ANAPC16: variants seen among roughly 807,000 people sequenced by gnomAD.
ANAPC16 encodes the protein anaphase-promoting complex subunit 16.
In ANAPC16, 6 loss-of-function variants were observed where a neutral mutation model predicts 13.1. The observed-to-expected ratio is 0.46, with a 90% confidence interval of 0.25 to 0.90. The LOEUF is 0.90. Ranked by LOEUF, ANAPC16 falls within the 40% of genes least tolerant of loss-of-function variation. The pLI is 0.18. For synonymous variants in ANAPC16, 55 were observed against 51.3 expected (o/e 1.07, Z -0.31); for missense variants, 113 against 131.1 (o/e 0.86, Z 0.67).
chr10:72,217,075 G>A, intron 1 of ANAPC16: 1 of 454,090 alleles, frequency 2.2e-6, no homozygotes, highest in South Asian at 1.6e-5. Flanking sequence ...AAATGCTCGG[G>A]ACTGGAAGCA....
At chr10:72,216,370 G>T (rs1859324700) in intron 1 of ANAPC16, 2 of 172,750 alleles carry the variant, frequency 1.2e-5, no homozygotes, top group Admixed American at 1.1e-4. Flanking sequence ...GTTTCCTGGG[G>T]ACCCAGCTGG....
intron 1 of ANAPC16, chr10:72,220,712 CAAAAAAAAA>C (rs397844900): frequency 9.7e-6 from 1 of 103,452 alleles, no homozygotes; most frequent in Admixed American, 1.1e-4. Flanking sequence ...TTGCAACTAG[CAAAAAAAAA>C]AAAAAAAAAA....
At chr10:72,227,300 G>A (rs1860152063) in intron 2 of ANAPC16, among the ~76,000 whole-genome samples, 1 of 152,178 alleles carries the variant, frequency 6.6e-6, no homozygotes, top group African/African-American at 2.4e-5. Flanking sequence ...TCTGAATGTT[G>A]ATGTTCTAAC....
rs557745938 is a variant in ANAPC16, at chr10:72,234,639, A to C, written c.*1523A>C. ...ATCTGCTTAGAGTTGCTTAATTATAAGTAAATATAATCCCAGTAGCATTTA... is the reference window on the plus strand; with the variant it reads ...ATCTGCTTAGAGTTGCTTAATTATACGTAAATATAATCCCAGTAGCATTTA... On this transcript the variant is annotated 3_prime_UTR_variant, in exon 4 of 4. Coordinates refer to ENST00000299381, the MANE Select transcript of ANAPC16 (RefSeq NM_173473.4). The C allele has an allele frequency of 6.6e-6, 1 of 152,322 alleles. No individual in the cohort carries two copies. Among genetic ancestry groups the C allele is most frequent in the East Asian group, 1.9e-4 (1 of 5,188 alleles). The allele number at this position is 152,322 out of a possible 1,614,324, so 9.4% of individuals were successfully genotyped here. A position where few individuals can be genotyped will look rare whatever the true frequency, so the allele number is the denominator to read the frequency against.
At chr10:72,226,494 C>T (rs1445047001) in intron 2 of ANAPC16, among the ~76,000 whole-genome samples, 1 of 151,720 alleles carries the variant, frequency 6.6e-6, no homozygotes, top group African/African-American at 2.4e-5. Flanking sequence ...GGCAACATGA[C>T]GAAATCCTGT....
At chr10:72,229,584 C>CT (rs1012727326) in intron 2 of ANAPC16, among the ~76,000 whole-genome samples, 1 of 152,114 alleles carries the variant, frequency 6.6e-6, no homozygotes, top group Non-Finnish European at 1.5e-5. Context: ...TTTCTGCTAC[C>CT]TTTTTAAAAA....
chr10:72,216,851 C>T (rs1445231021), intron 1 of ANAPC16: 1 of 456,120 alleles, frequency 2.2e-6, no homozygotes, highest in Non-Finnish European at 4.4e-6. Flanking sequence ...GATACTTCAT[C>T]ATCAGTATTT....
intron 1 of ANAPC16, chr10:72,220,828 C>T (rs1457870270): frequency 6.6e-6 from 1 of 151,108 alleles, no homozygotes; most frequent in African/African-American, 2.4e-5. Context: ...TTTCCACTCC[C>T]ACTGCTTCAC....
chr10:72,227,878 A>C (rs1481846092), intron 2 of ANAPC16, among the ~76,000 whole-genome samples: 1 of 122,390 alleles, frequency 8.2e-6, no homozygotes, highest in East Asian at 2.7e-4. Context: ...TAAAAATACA[A>C]AAAAAAAAAA....
intron 2 of ANAPC16, among the ~76,000 whole-genome samples, chr10:72,229,588 T>A (rs1860234596): frequency 6.6e-6 from 1 of 152,192 alleles, no homozygotes; most frequent in Non-Finnish European, 1.5e-5. Context: ...TGCTACCTTT[T>A]TAAAAATCAA....
chr10:72,218,466 G>A (rs1264644062), intron 1 of ANAPC16, among the ~76,000 whole-genome samples: 1 of 151,882 alleles, frequency 6.6e-6, no homozygotes, highest in Non-Finnish European at 1.5e-5. Flanking sequence ...ACAAGCCATT[G>A]CTTCAAAATG....
Position 72,217,009 on chromosome 10 carries a change from C to G in ANAPC16, c.-28+871C>G, listed in dbSNP as rs550479820. On this transcript the variant is annotated intron_variant, in intron 1 of 3. Transcript: ENST00000299381. ...CAGCGCTTCTCTATCTCCTGCATGACCTTTGCTGAGCTGCTCGCCCTGCGT... is the reference window on the plus strand; with the variant it reads ...CAGCGCTTCTCTATCTCCTGCATGAGCTTTGCTGAGCTGCTCGCCCTGCGT... The G allele has an allele frequency of 1.5e-3, 672 of 454,920 alleles. 13 individuals carry two copies. Among genetic ancestry groups the G allele is most frequent in the South Asian group, 0.01 (651 of 64,510 alleles). 28.2% of individuals were successfully genotyped at this position (454,920 alleles called of 1,614,324 possible). A position where few individuals can be genotyped will look rare whatever the true frequency, so the allele number is the denominator to read the frequency against.
intron 1 of ANAPC16, among the ~76,000 whole-genome samples, chr10:72,221,662 GA>G (rs1289727622): frequency 6.9e-6 from 1 of 144,460 alleles, no homozygotes; most frequent in Non-Finnish European, 1.5e-5. Context: ...AGGTTCAAGT[GA>G]TTCTCCTGCC....
intron 1 of ANAPC16, 105 bp from the exon 2 acceptor site, chr10:72,223,783 C>G (rs1860028217): frequency 1.1e-6 from 1 of 885,384 alleles, no homozygotes; most frequent in African/African-American, 1.7e-5. Context: ...AAAAGGGGAG[C>G]TAACTCTTTA....
intron 1 of ANAPC16, chr10:72,216,818 T>C (rs1471828456): frequency 2.2e-6 from 1 of 456,166 alleles, no homozygotes; most frequent in East Asian, 7.0e-5. Flanking sequence ...AGCCCCAACT[T>C]ACCTGACAGG....
chr10:72,216,797 T>G (rs1859432682), intron 1 of ANAPC16: 1 of 455,994 alleles, frequency 2.2e-6, no homozygotes, highest in Admixed American at 2.3e-5. Context: ...CCTGTGAGGA[T>G]CTCCACTGTC....
chr10:72,223,770 GAAA>G, intron 1 of ANAPC16, 115 bp from the exon 2 acceptor site: 4 of 764,782 alleles, frequency 5.2e-6, no homozygotes, highest in Non-Finnish European at 7.8e-6. Flanking sequence ...AGAGAGCATA[GAAA>G]AAAGGGGAGC....
chr10:72,220,981 ATC>A (rs1859909906), intron 1 of ANAPC16: 1 of 152,206 alleles, frequency 6.6e-6, no homozygotes, highest in South Asian at 2.1e-4. Context: ...CAATGGCGCT[ATC>A]TCGGCTCACT....
At position 72,216,088 on chromosome 10, in the gene ANAPC16, C is replaced by G. The variant is rs1461563516; in HGVS notation, c.-78C>G. On this transcript the variant is annotated 5_prime_UTR_variant, in exon 1 of 4. Coordinates refer to ENST00000299381, the MANE Select transcript of ANAPC16 (RefSeq NM_173473.4). ...CCTCGTCGTGGTGAGCGCAGCCACTCAGGCTGGTCCTGGGGGTGGGGCTGT... is the reference window on the plus strand; with the variant it reads ...CCTCGTCGTGGTGAGCGCAGCCACTGAGGCTGGTCCTGGGGGTGGGGCTGT... 1 of 152,370 alleles carries G rather than the reference C, an allele frequency of 6.6e-6. No individual in the cohort carries two copies. Among genetic ancestry groups the G allele is most frequent in the Non-Finnish European group, 1.5e-5 (1 of 68,170 alleles). 9.4% of individuals were successfully genotyped at this position (152,370 alleles called of 1,614,324 possible).
Sources: allele counts gnomAD v4.1 joint callset (sites outside exome capture counted in the v4.1 genomes callset), GRCh38; gene constraint gnomAD v4.1.1; transcripts MANE v1.5; gene names NCBI Gene and HGNC (gene_info 2026-07-23, HGNC 2026-07-21).